The following STAT3 variants were observed in gnomAD, a reference collection of about 807,000 sequenced individuals.
STAT3 encodes signal transducer and activator of transcription 3.
STAT3 carries 7 observed loss-of-function variants against 114.3 expected under a neutral mutation model. That is an observed-to-expected ratio of 0.06 (90% confidence interval 0.03 to 0.11). STAT3 has a LOEUF of 0.11. STAT3 is among the 10% of genes least tolerant of loss of function. The pLI, the probability that STAT3 is intolerant of heterozygous loss-of-function variation, is 1.00. For missense variants in STAT3, 364 were observed against 960.9 expected (o/e 0.38, Z 8.21); for synonymous variants, 331 against 354.5 (o/e 0.93, Z 0.74).
chr17:42,319,404 T>C (rs545322816), intron 21 of STAT3, among the ~76,000 whole-genome samples: 41 of 148,454 alleles, frequency 2.8e-4, no homozygotes, highest in African/African-American at 1.0e-3. Context: ...TAGCCAGGCA[T>C]AGTGGTGCAT....
Position 42,346,614 on chromosome 17 carries a change from A to G in STAT3, c.228T>C (p.Asn76=). The part of the protein sequence containing the change: ...QQYSRFLQES[N]VLYQHNLRRI... ...TTCGTAGATTGTGCTGATAGAGAAC[A>G]TTCGACTCTTGCAGGAAGCGGCTAT... is the stretch of plus-strand genomic sequence containing the variant. Residue 76 remains asparagine, a synonymous_variant, in exon 3 of 24, where the codon AAT becomes AAC. Coordinates refer to ENST00000264657, the MANE Select transcript of STAT3 (RefSeq NM_139276.3). 1 of 1,614,194 alleles carries G rather than the reference A, an allele frequency of 6.2e-7. No individual in the cohort carries two copies. The highest frequency in any genetic ancestry group is 8.5e-7 in the Non-Finnish European group (1 of 1,180,034).
At chr17:42,363,552 T>A (rs1320503638) in intron 1 of STAT3, among the ~76,000 whole-genome samples, 1 of 150,704 alleles carries the variant, frequency 6.6e-6, no homozygotes, top group African/African-American at 2.4e-5. Flanking sequence ...CAAGCAACCC[T>A]CCCACCTCAG....
At chr17:42,345,739 G>A in intron 3 of STAT3, 82 bp from the exon 4 acceptor site, 2 of 1,239,938 alleles carry the variant, frequency 1.6e-6, no homozygotes, top group Non-Finnish European at 2.3e-6. Flanking sequence ...TAAAACTAAT[G>A]TATTCATCAA....
In STAT3 at chr17:42,324,096, G is replaced by A. The variant is rs190160880; in HGVS notation, c.1601-471C>T. 4.6e-4 allele frequency among the ~76,000 whole-genome samples: 70 copies of A among 152,260 alleles called. 2 individuals are homozygous for A. The highest frequency in any genetic ancestry group is 3.6e-3 in the Admixed American group (55 of 15,294). ...AGCACTTTAGGAGGCCGAGGTGGGC[G>A]GATCACGAGGTGAAGAGACGGAGAC... On this transcript the variant is annotated intron_variant, in intron 17 of 23. Transcript: ENST00000264657. The surrounding 1 kb of genome is among the most constrained non-coding windows in gnomAD (Gnocchi z 4.5).
intron 1 of STAT3, among the ~76,000 whole-genome samples, chr17:42,350,454 T>TA (rs1567733477): frequency 6.6e-6 from 1 of 152,046 alleles, no homozygotes; most frequent in East Asian, 1.9e-4. Context: ...CTAATTTTTT[T>TA]AAAAAAATTT....
chr17:42,325,140 G>A (rs773744277), intron 15 of STAT3, 79 bp from the exon 16 acceptor site: 191 of 1,388,230 alleles, frequency 1.4e-4, no homozygotes, highest in Non-Finnish European at 1.8e-4. Context: ...CGCATCTCAC[G>A]GGGCTCAGAA....
intron 1 of STAT3, among the ~76,000 whole-genome samples, chr17:42,350,210 C>G (rs2082878823): frequency 6.6e-6 from 1 of 152,140 alleles, no homozygotes; most frequent in Non-Finnish European, 1.5e-5. Flanking sequence ...GTTCTTGATT[C>G]TCAGAGAAGG....
intron 1 of STAT3, among the ~76,000 whole-genome samples, chr17:42,369,615 T>C (rs1026179752): frequency 2.0e-5 from 3 of 152,158 alleles, no homozygotes; most frequent in African/African-American, 7.2e-5. Flanking sequence ...AGCAGCATTT[T>C]TGTTCTTGTT....
rs905704490 is a variant in STAT3, at chr17:42,324,220, G to A, written c.1600+491C>T. Among the ~76,000 whole-genome samples, 4 of 152,158 alleles carry A rather than the reference G, an allele frequency of 2.6e-5. No individual in the cohort carries two copies. Among genetic ancestry groups the A allele is most frequent in the East Asian group, 1.9e-4 (1 of 5,180 alleles). ...TGTAGTCTCAGCTACTCGGGAGGCC[G>A]AGGCAGAAGAATCGCTTGAACCCAG... On this transcript the variant is annotated intron_variant, in intron 17 of 23. Transcript: ENST00000264657. This position sits in a 1 kb window ranked among gnomAD's most constrained non-coding sequence, Gnocchi z 4.5.
At position 42,333,702 on chromosome 17, in the gene STAT3, C is replaced by T. The variant is rs1356498574; in HGVS notation, c.1020G>A (p.Lys340=). Reference sequence around the variant, plus strand: ...CTTTAGTAGTGAACTGGACGCCGGTCTTGATGACGAGGGGCCGGTCAGGAT... The same window carrying T: ...CTTTAGTAGTGAACTGGACGCCGGTTTTGATGACGAGGGGCCGGTCAGGAT... ...PMHPDRPLVI[K]TGVQFTTKVR... is the part of the protein sequence containing the mutation. The change falls in exon 10 of 24, where the codon AAG becomes AAA. Residue 340 remains lysine, a synonymous_variant. Transcript: ENST00000264657. This position sits in a 1 kb window ranked among gnomAD's most constrained non-coding sequence, Gnocchi z 5.2. 1.2e-6 allele frequency: 2 copies of T among 1,614,030 alleles called. No individual in the cohort carries two copies. Among genetic ancestry groups the T allele is most frequent in the Admixed American group, 1.7e-5 (1 of 60,006 alleles).
rs1193539222 is a variant in STAT3 at position 42,324,911 on chromosome 17, C to G, written c.1464+52G>C. The G allele has an allele frequency of 6.2e-7, 1 of 1,613,968 alleles. No individual in the cohort carries two copies. Among genetic ancestry groups the G allele is most frequent in the East Asian group, 2.2e-5 (1 of 44,902 alleles). ...GGTGCTCATTGTCTATACTAGGTAC[C>G]CCTAAGTCGCAAGAGATCCCGGGGC... On this transcript the variant is annotated intron_variant, in intron 16 of 23. Transcript: ENST00000264657. This position sits in a 1 kb window ranked among gnomAD's most constrained non-coding sequence, Gnocchi z 4.5.
chr17:42,348,648 T>A (rs560605089), intron 1 of STAT3, 109 bp from the exon 2 acceptor site: 33 of 1,266,956 alleles, frequency 2.6e-5, no homozygotes, highest in Middle Eastern at 2.6e-4. Context: ...GGGATAAAGA[T>A]GCTCTGGGGA....
At chr17:42,360,720 A>G (rs1489620353) in intron 1 of STAT3, among the ~76,000 whole-genome samples, 4 of 152,078 alleles carry the variant, frequency 2.6e-5, no homozygotes, top group African/African-American at 9.7e-5. Flanking sequence ...ATGTGATCTT[A>G]TGGTATTTTA....
At chr17:42,375,598 G>A (rs112217019) in intron 1 of STAT3, among the ~76,000 whole-genome samples, 2,166 of 152,232 alleles carry the variant, frequency 0.014, 19 homozygotes, top group Middle Eastern at 0.034. Flanking sequence ...GGAGGCTGAG[G>A]CAGGCAGATC....
rs745620668 is a variant in STAT3 at position 42,329,502 on chromosome 17, G to A, written c.1234-45C>T. On this transcript the variant is annotated intron_variant, in intron 13 of 23. Transcript: ENST00000264657. ...CAGGTGTCCTGTGAGGCTCTCCCTA[G>A]CCCTCTCCGGCAGCCAGAGGCCCTT... 3.7e-6 allele frequency: 6 copies of A among 1,614,170 alleles called. No individual in the cohort carries two copies. In the Admixed American group the frequency reaches 6.7e-5, roughly 18 times the overall value.
chr17:42,327,076 T>A (rs1258378788), intron 14 of STAT3, among the ~76,000 whole-genome samples: 1 of 152,096 alleles, frequency 6.6e-6, no homozygotes, highest in Non-Finnish European at 1.5e-5. Context: ...ATTACATAGA[T>A]CCAATTGGTT....
Position 42,334,349 on chromosome 17 carries a change from C to T in STAT3, c.798-300G>A, listed in dbSNP as rs560002945. On this transcript the variant is annotated intron_variant, in intron 8 of 23. Coordinates refer to ENST00000264657, the MANE Select transcript of STAT3 (RefSeq NM_139276.3). ...GAGCTGGAGTGCAGTGGTGCAATCT[C>T]GGCTCACTGCAACCTCCATTTCCCG... Among the ~76,000 whole-genome samples the T allele has an allele frequency of 1.3e-3, 200 of 151,606 alleles. 1 individual carries two copies. Among genetic ancestry groups the T allele is most frequent in the Non-Finnish European group, 2.4e-3 (161 of 67,936 alleles).
intron 1 of STAT3, among the ~76,000 whole-genome samples, chr17:42,376,804 C>T (rs1480154679): frequency 6.6e-6 from 1 of 151,742 alleles, no homozygotes; most frequent in Non-Finnish European, 1.5e-5. Context: ...CCAGATCGCA[C>T]CACTGCACTC....
intron 5 of STAT3, among the ~76,000 whole-genome samples, chr17:42,339,028 G>A (rs1801187657): frequency 6.6e-6 from 1 of 152,126 alleles, no homozygotes; most frequent in Non-Finnish European, 1.5e-5. Flanking sequence ...GAGTTGGGAG[G>A]ATCACTTGAG....
Sources: gnomAD v4.1 joint callset for allele counts (sites outside exome capture counted in the v4.1 genomes callset) on GRCh38, gnomAD v4.1.1 for gene constraint, Gnocchi (gnomAD v3.1) non-coding constraint, MANE v1.5 for transcripts, NCBI Gene and HGNC (gene_info 2026-07-23, HGNC 2026-07-21) for gene names.